Variants in ITGA9 observed in about 807,000 individuals in gnomAD.
ITGA9 encodes integrin subunit alpha 9, also known as integrin alpha-9.
ITGA9 carries 56 observed loss-of-function variants against 127.8 expected under a neutral mutation model. That is an observed-to-expected ratio of 0.44 (90% CI 0.35 to 0.55). ITGA9 has a LOEUF of 0.55. Among genes scored for constraint, ITGA9 ranks in the 20% least tolerant of loss-of-function variants. ITGA9 has a pLI of 0.00. For missense variants in ITGA9, 1,196 were observed against 1,347.1 expected (o/e 0.89, Z 1.76); for synonymous variants, 508 against 514.5 (o/e 0.99, Z 0.17).
intron 16 of ITGA9, among the ~76,000 whole-genome samples, chr3:37,645,929 G>A (rs893603548): frequency 6.6e-6 from 1 of 152,162 alleles, no homozygotes; most frequent in Non-Finnish European, 1.5e-5. Context: ...TCAGCCAGGA[G>A]CGGACACTGA....
At chr3:37,661,094 G>A (rs1700528730) in intron 17 of ITGA9, among the ~76,000 whole-genome samples, 1 of 152,202 alleles carries the variant, frequency 6.6e-6, no homozygotes, top group Admixed American at 6.5e-5. Flanking sequence ...ACAGCAAAGG[G>A]CCTGAGTATA....
chr3:37,458,654 G>A (rs375649689), intron 1 of ITGA9, among the ~76,000 whole-genome samples: 8 of 152,206 alleles, frequency 5.3e-5, no homozygotes, highest in African/African-American at 1.9e-4. Flanking sequence ...AGCCTGCCAC[G>A]CGTGAATCAC....
chr3:37,648,156 T>A (rs1700397465), intron 16 of ITGA9, among the ~76,000 whole-genome samples: 1 of 152,158 alleles, frequency 6.6e-6, no homozygotes, highest in Non-Finnish European at 1.5e-5. Context: ...TGTATAAGGG[T>A]TCCCTTTTCT....
intron 11 of ITGA9, among the ~76,000 whole-genome samples, chr3:37,520,028 T>C (rs1044599275): frequency 2.0e-5 from 3 of 152,226 alleles, no homozygotes; most frequent in Admixed American, 1.3e-4. Context: ...GGGACACACA[T>C]TGAGAAATTT....
intron 15 of ITGA9, among the ~76,000 whole-genome samples, chr3:37,605,989 G>T (rs553688979): frequency 6.6e-6 from 1 of 152,272 alleles, no homozygotes; most frequent in South Asian, 2.1e-4. Flanking sequence ...ATGCCAGAGG[G>T]AGACCCACGA....
At chr3:37,736,474 A>G (rs748502888) in intron 19 of ITGA9, among the ~76,000 whole-genome samples, 2 of 152,304 alleles carry the variant, frequency 1.3e-5, no homozygotes, top group Middle Eastern at 3.4e-3. Context: ...CTTTTTGGCA[A>G]GTGATCCTGG....
At position 37,736,988 on chromosome 3, in the gene ITGA9, G is replaced by A. The variant is rs1163464178; in HGVS notation, c.2234+5G>A. On this transcript the variant is annotated splice_donor_5th_base_variant and intron_variant, in intron 20 of 27. Coordinates refer to ENST00000264741, the MANE Select transcript of ITGA9 (RefSeq NM_002207.3). ...CTTCATTGTTACTGCTCAGAGGTAA[G>A]GGGGGGGTTTAAACACTTTTTTCAA... is the stretch of plus-strand genomic sequence containing the variant. 1.3e-6 allele frequency: 2 copies of A among 1,551,834 alleles called. No individual in the cohort carries two copies. The highest frequency in any genetic ancestry group is 1.7e-5 in the Admixed American group (1 of 59,782).
intron 15 of ITGA9, among the ~76,000 whole-genome samples, chr3:37,543,377 T>C (rs1699294542): frequency 6.6e-6 from 1 of 152,178 alleles, no homozygotes; most frequent in Non-Finnish European, 1.5e-5. Flanking sequence ...ATCCAGTGTG[T>C]ATCCAGCTGG....
chr3:37,714,255 A>C (rs138247992), intron 18 of ITGA9, among the ~76,000 whole-genome samples: 1 of 152,210 alleles, frequency 6.6e-6, no homozygotes, highest in African/African-American at 2.4e-5. Flanking sequence ...GGGCAAAATG[A>C]TGAAGGTACT....
intron 15 of ITGA9, among the ~76,000 whole-genome samples, chr3:37,565,580 A>C (rs1447026386): frequency 6.6e-6 from 1 of 152,242 alleles, no homozygotes; most frequent in Non-Finnish European, 1.5e-5. Flanking sequence ...ACAGCATTTC[A>C]GGTGCGGAAG....
At chr3:37,752,573 C>G (rs576091815) in intron 23 of ITGA9, among the ~76,000 whole-genome samples, 1 of 152,214 alleles carries the variant, frequency 6.6e-6, no homozygotes, top group South Asian at 2.1e-4. Flanking sequence ...TAACAGTGCC[C>G]TTGGTGTCTG....
intron 15 of ITGA9, among the ~76,000 whole-genome samples, chr3:37,592,475 A>G (rs1051436034): frequency 2.0e-5 from 3 of 152,176 alleles, no homozygotes; most frequent in South Asian, 4.1e-4. Context: ...ACTCCAGCCT[A>G]GAAATGACCC....
At chr3:37,802,338 C>T (rs1697245563) in intron 26 of ITGA9, among the ~76,000 whole-genome samples, 1 of 152,166 alleles carries the variant, frequency 6.6e-6, no homozygotes, top group African/African-American at 2.4e-5. Flanking sequence ...CAGTATTGTG[C>T]CCAGTCACTG....
intron 25 of ITGA9, among the ~76,000 whole-genome samples, chr3:37,782,733 G>A (rs1200241480): frequency 6.6e-6 from 1 of 152,232 alleles, no homozygotes; most frequent in Non-Finnish European, 1.5e-5. Flanking sequence ...TGGGCCTGCA[G>A]TCGTGTTTAT....
intron 4 of ITGA9, among the ~76,000 whole-genome samples, chr3:37,492,482 G>A (rs903568587): frequency 7.2e-5 from 11 of 152,232 alleles, no homozygotes; most frequent in Admixed American, 2.6e-4. Context: ...CTCCCAGTGA[G>A]GCTGTCACCA....
intron 16 of ITGA9, among the ~76,000 whole-genome samples, chr3:37,652,489 G>T (rs1375969980): frequency 6.6e-6 from 1 of 152,170 alleles, no homozygotes; most frequent in Admixed American, 6.5e-5. Flanking sequence ...TCAAGGAAGG[G>T]AGTGTTGGCT....
intron 14 of ITGA9, among the ~76,000 whole-genome samples, chr3:37,538,437 C>A (rs980222683): frequency 6.6e-6 from 1 of 152,180 alleles, no homozygotes; most frequent in Non-Finnish European, 1.5e-5. Context: ...TTCGACATGG[C>A]AGGGACACAA....
chr3:37,759,315 TACAC>T (rs1479158286), intron 23 of ITGA9, among the ~76,000 whole-genome samples: 1 of 151,904 alleles, frequency 6.6e-6, no homozygotes, highest in African/African-American at 2.4e-5. Flanking sequence ...CCAATTTAAA[TACAC>T]ACAGACACTG....
chr3:37,455,655 G>A (rs564672378), intron 1 of ITGA9, among the ~76,000 whole-genome samples: 2 of 152,288 alleles, frequency 1.3e-5, no homozygotes, highest in South Asian at 4.1e-4. Flanking sequence ...TGTATCTTAC[G>A]TCTCTCTTCT....
Sources: gnomAD v4.1 joint callset for allele counts (sites outside exome capture counted in the v4.1 genomes callset) on GRCh38, gnomAD v4.1.1 for gene constraint, MANE v1.5 for transcripts, NCBI Gene and HGNC (gene_info 2026-07-23, HGNC 2026-07-21) for gene names.